The following AHI1 variants were observed in gnomAD, a reference collection of about 807,000 sequenced individuals.
AHI1 encodes Abelson helper integration site 1.
In AHI1, 123 loss-of-function variants were observed where a neutral mutation model predicts 149.3. The observed-to-expected ratio is 0.82, with a 90% CI of 0.71 to 0.96. AHI1 has a LOEUF of 0.96. Ranked by LOEUF, AHI1 falls within the 40% of genes least tolerant of loss-of-function variation. AHI1 has a pLI of 0.00. For missense variants in AHI1, 1,439 were observed against 1,422.7 expected (o/e 1.01, Z -0.18); for synonymous variants, 475 against 459.8 (o/e 1.03, Z -0.42).
rs766441368 is a variant in AHI1 at position 135,318,499 on chromosome 6, G to A, written c.3426+20C>T. 1.2e-5 allele frequency: 17 copies of A among 1,442,528 alleles called. No homozygotes were observed. The highest frequency in any genetic ancestry group is 4.9e-5 in the South Asian group (4 of 82,294). 89.4% of individuals were successfully genotyped at this position (1,442,528 alleles called of 1,614,324 possible). On this transcript the variant is annotated intron_variant, in intron 26 of 28. Coordinates refer to ENST00000265602, the MANE Select transcript of AHI1 (RefSeq NM_001134831.2). ...GAAAATCAAAGTACATATGTAATACGTATGCTCAAAAACATTTACCTTTTG... is the reference window on the plus strand; with the variant it reads ...GAAAATCAAAGTACATATGTAATACATATGCTCAAAAACATTTACCTTTTG...
At chr6:135,362,194 G>A (rs892177604) in intron 23 of AHI1, among the ~76,000 whole-genome samples, 1 of 152,066 alleles carries the variant, frequency 6.6e-6, no homozygotes, top group Non-Finnish European at 1.5e-5. Context: ...GGTGATTGAT[G>A]GGCATTTGGG....
intron 5 of AHI1, among the ~76,000 whole-genome samples, chr6:135,472,407 T>C (rs1167224337): frequency 6.6e-6 from 1 of 152,254 alleles, no homozygotes; most frequent in Non-Finnish European, 1.5e-5. Flanking sequence ...TGTACAGTTA[T>C]ATGCCACATT....
At chr6:135,388,920 G>T (rs1413631536) in intron 23 of AHI1, among the ~76,000 whole-genome samples, 1 of 151,980 alleles carries the variant, frequency 6.6e-6, no homozygotes, top group Admixed American at 6.6e-5. Flanking sequence ...GCTGAGGCAC[G>T]AGTATCACTG....
chr6:135,306,009 T>G (rs1475183295), intron 26 of AHI1, among the ~76,000 whole-genome samples: 1 of 152,230 alleles, frequency 6.6e-6, no homozygotes, highest in Non-Finnish European at 1.5e-5. Flanking sequence ...ACTATCCTTT[T>G]ATTGCTTTTA....
intron 24 of AHI1, among the ~76,000 whole-genome samples, chr6:135,347,040 ATC>A (rs1791340925): frequency 6.6e-6 from 1 of 152,214 alleles, no homozygotes; most frequent in African/African-American, 2.4e-5. Context: ...TCAGATCGTT[ATC>A]TGTTTGAAAC....
At chr6:135,433,834 T>C (rs372446324) in intron 15 of AHI1, among the ~76,000 whole-genome samples, 27 of 152,040 alleles carry the variant, frequency 1.8e-4, no homozygotes, top group African/African-American at 6.5e-4. Flanking sequence ...GACATTTTGA[T>C]AGAAAAGACT....
At chr6:135,400,021 T>C (rs973407322) in intron 22 of AHI1, among the ~76,000 whole-genome samples, 1 of 152,124 alleles carries the variant, frequency 6.6e-6, no homozygotes, top group African/African-American at 2.4e-5. Flanking sequence ...TCCCCAATAG[T>C]TATCTTTTCT....
intron 23 of AHI1, among the ~76,000 whole-genome samples, chr6:135,377,200 A>G (rs1776078848): frequency 6.6e-6 from 1 of 152,066 alleles, no homozygotes; most frequent in Non-Finnish European, 1.5e-5. Context: ...CAAATGTATG[A>G]TGAAGTTTTG....
chr6:135,331,066 T>C (rs1788520599), intron 24 of AHI1, among the ~76,000 whole-genome samples: 1 of 152,250 alleles, frequency 6.6e-6, no homozygotes, highest in African/African-American at 2.4e-5. Flanking sequence ...ACTATAGAAA[T>C]ATCTTTCTTG....
intron 14 of AHI1, among the ~76,000 whole-genome samples, 194 bp from the exon 15 acceptor site, chr6:135,438,692 T>C (rs1424240539): frequency 1.3e-5 from 2 of 152,094 alleles, no homozygotes; most frequent in Admixed American, 6.6e-5. Context: ...AAAATTCACA[T>C]GCAAAATTTT....
chr6:135,294,698 C>CAAAAAA (rs56734547), intron 27 of AHI1, among the ~76,000 whole-genome samples: 5,119 of 59,812 alleles, frequency 0.086, no homozygotes, highest in Non-Finnish European at 0.12. Context: ...TCTCCAAATG[C>CAAAAAA]AAAAAAAAAA....
intron 23 of AHI1, among the ~76,000 whole-genome samples, chr6:135,386,344 TC>T: frequency 6.6e-6 from 1 of 151,778 alleles, no homozygotes; most frequent in African/African-American, 2.4e-5. Context: ...GGAGTCTCGC[TC>T]TTCCGCCCAG....
intron 23 of AHI1, chr6:135,388,094 G>A: frequency 2.5e-6 from 4 of 1,575,342 alleles, no homozygotes; most frequent in Non-Finnish European, 3.5e-6. Flanking sequence ...ATTCTTTTTA[G>A]TACCATAAAA....
At chr6:135,337,798 A>G (rs1582667291) in intron 24 of AHI1, among the ~76,000 whole-genome samples, 1 of 151,926 alleles carries the variant, frequency 6.6e-6, no homozygotes, top group East Asian at 1.9e-4. Context: ...GCTGTGAAGA[A>G]ATCTTGAGTA....
At chr6:135,327,186 G>A (rs946638534) in intron 24 of AHI1, among the ~76,000 whole-genome samples, 1 of 152,178 alleles carries the variant, frequency 6.6e-6, no homozygotes, top group African/African-American at 2.4e-5. Flanking sequence ...AGCCCTAGCA[G>A]GCTAGTACAC....
At chr6:135,387,848 A>T in intron 23 of AHI1, 1 of 1,481,280 alleles carries the variant, frequency 6.8e-7, no homozygotes, top group Non-Finnish European at 9.0e-7. Context: ...TATTGTGTTG[A>T]TTCTGACAAT....
At chr6:135,431,104 G>T in intron 17 of AHI1, 104 bp downstream of exon 17, 1 of 694,288 alleles carries the variant, frequency 1.4e-6, no homozygotes, top group South Asian at 2.9e-5. Flanking sequence ...TTAATTTTTT[G>T]AAATGAGAGA....
intron 22 of AHI1, among the ~76,000 whole-genome samples, chr6:135,395,412 C>T (rs780033796): frequency 1.3e-5 from 2 of 151,572 alleles, no homozygotes; most frequent in Non-Finnish European, 2.9e-5. Context: ...CATCAAAACA[C>T]CTTACTCAGG....
chr6:135,394,959 G>T, intron 22 of AHI1, 63 bp from the exon 23 acceptor site: 1 of 1,515,018 alleles, frequency 6.6e-7, no homozygotes, highest in African/African-American at 1.4e-5. Flanking sequence ...TGCAAAAACT[G>T]GATGAGAAAT....
Sources: gnomAD v4.1 joint callset for allele counts (sites outside exome capture counted in the v4.1 genomes callset) on GRCh38, gnomAD v4.1.1 for gene constraint, MANE v1.5 for transcripts, NCBI Gene and HGNC (gene_info 2026-07-23, HGNC 2026-07-21) for gene names.